Variants in HGFAC observed in about 807,000 individuals in gnomAD.
The protein encoded by HGFAC is HGF activator.
In HGFAC, 76 loss-of-function variants were observed where a neutral mutation model predicts 70.6. The ratio of observed to expected loss-of-function variants is 1.08; its 90% CI spans 0.89 to 1.30. The LOEUF (loss-of-function observed/expected upper bound fraction) is 1.30. Ranked by LOEUF, HGFAC falls within the 50% of genes most tolerant of loss-of-function variation. The probability of loss-of-function intolerance (pLI) is 0.00; values close to 1 mark genes in which losing one functional copy is unlikely to be tolerated. For synonymous variants in HGFAC, 464 were observed against 405.3 expected (o/e 1.14, Z -1.74); for missense variants, 1,044 against 933.7 (o/e 1.12, Z -1.54).
rs201370566 is a variant in HGFAC, at chr4:3,447,990, G to A, written c.1591G>A (p.Ala531Thr). ...GCCCGAGCCCGGCAGCACCTTCCCC[G>A]CAGGACACAAGTGCCAGATTGCGGG... ...CLPEPGSTFP[A>T]GHKCQIAGWG... Residue 531 changes from alanine (A) to threonine (T), a missense_variant, in exon 12 of 14, where the codon GCA becomes ACA. By Grantham distance (58) the Ala-to-Thr change is moderately conservative. Coordinates refer to ENST00000382774, the MANE Select transcript of HGFAC (RefSeq NM_001528.4). The A allele has an allele frequency of 4.6e-5, 73 of 1,578,460 alleles. No homozygotes were observed. In the East Asian group the frequency reaches 7.7e-4, roughly 17 times the overall value.
rs550385729 is a variant in HGFAC, at chr4:3,449,118, G to A, written c.1786-119G>A. On this transcript the variant is annotated intron_variant, in intron 13 of 13. Transcript: ENST00000382774. ...CCTTTTCATGAGGTTCAGGAGAGTGGATCAGCTCCCTTGCTCAGAAATGCC... is the reference window on the plus strand; with the variant it reads ...CCTTTTCATGAGGTTCAGGAGAGTGAATCAGCTCCCTTGCTCAGAAATGCC... The A allele has an allele frequency of 1.1e-4, 103 of 896,968 alleles. 4 individuals carry two copies. The South Asian group carries it at 1.2e-3, about 11-fold the overall frequency. 55.6% of individuals were successfully genotyped at this position (896,968 alleles called of 1,614,324 possible).
upstream of HGFAC, among the ~76,000 whole-genome samples, chr4:3,441,012 G>T (rs1725288916): frequency 1.3e-5 from 2 of 152,210 alleles, no homozygotes; most frequent in South Asian, 4.1e-4. This position sits in a 1 kb window ranked among gnomAD's most constrained non-coding sequence, Gnocchi z 6.0. Flanking sequence ...GGCCACAGTG[G>T]TTCACTCACC....
chr4:3,443,022 C>A, intron 2 of HGFAC, 28 bp from the exon 3 acceptor site: 1 of 1,564,982 alleles, frequency 6.4e-7, no homozygotes, highest in Admixed American at 1.7e-5. Context: ...CTCGAGGGAG[C>A]CCTGACCCTG....
Position 3,449,348 on chromosome 4 carries a change from C to A in HGFAC, c.1897C>A (p.Arg633Ser). The A allele has an allele frequency of 6.2e-7, 1 of 1,611,062 alleles. No individual in the cohort carries two copies. The highest frequency in any genetic ancestry group is 8.5e-7 in the Non-Finnish European group (1 of 1,178,882). The change falls in exon 14 of 14, where the codon CGC (arginine) becomes AGC (serine). Residue 633 changes from arginine (R) to serine (S), a missense_variant. By Grantham distance (110) the Arg-to-Ser change is moderately radical. Coordinates refer to ENST00000382774, the MANE Select transcript of HGFAC (RefSeq NM_001528.4). ...GRLHKPGVYT[R>S]VANYVDWIND... ...GCTCCACAAGCCGGGGGTCTACACC[C>A]GCGTGGCCAACTATGTGGACTGGAT...
chr4:3,441,541 C>G (rs1725311840), upstream of HGFAC, among the ~76,000 whole-genome samples: 1 of 152,150 alleles, frequency 6.6e-6, no homozygotes, highest in Non-Finnish European at 1.5e-5. The surrounding 1 kb of genome is among the most constrained non-coding windows in gnomAD (Gnocchi z 6.0). Flanking sequence ...CAATCCCATC[C>G]CCACTGCTAC....
At chr4:3,445,145 A>G (rs1335674277) in intron 8 of HGFAC, 120 bp from the exon 9 acceptor site, 1 of 1,280,588 alleles carries the variant, frequency 7.8e-7, no homozygotes, top group African/African-American at 1.5e-5. Flanking sequence ...AGGGAGGGCC[A>G]CTCTCTTCCC....
At chr4:3,445,792 G>A (rs969645350) in intron 9 of HGFAC, 2 of 1,324,642 alleles carry the variant, frequency 1.5e-6, no homozygotes, top group African/African-American at 2.9e-5. Context: ...CCGGGCTGCT[G>A]AGGGGGCCAC....
Position 3,446,147 on chromosome 4 carries a change from T to C in HGFAC, c.1208T>C (p.Phe403Ser). The change falls in exon 10 of 14, where the codon TTC becomes TCC. Residue 403 changes from phenylalanine (F) to serine (S), a missense_variant. Phe to Ser is a radical substitution (Grantham distance 155, BLOSUM62 -2). Coordinates refer to ENST00000382774, the MANE Select transcript of HGFAC (RefSeq NM_001528.4). Reference protein sequence around the residue: ...ACGRRHKKRTFLRPRIIGGSS... With the variant: ...ACGRRHKKRTSLRPRIIGGSS... ...GGCAGGAGGCACAAGAAGAGGACGTTCCTGCGGCCACGTATCATCGGCGGC... is the reference window on the plus strand; with the variant it reads ...GGCAGGAGGCACAAGAAGAGGACGTCCCTGCGGCCACGTATCATCGGCGGC... The C allele has an allele frequency of 6.2e-7, 1 of 1,611,794 alleles. No individual in the cohort carries two copies. Among genetic ancestry groups the C allele is most frequent in the South Asian group, 1.1e-5 (1 of 90,854 alleles).
At chr4:3,445,529 G>A (rs1252040774) in intron 9 of HGFAC, 179 bp downstream of exon 9, 5 of 623,334 alleles carry the variant, frequency 8.0e-6, no homozygotes, top group Non-Finnish European at 1.4e-5. Flanking sequence ...GGGTCACAGT[G>A]GGGAAGCAGC....
At chr4:3,444,527 C>T in intron 6 of HGFAC, 85 bp downstream of exon 6, 3 of 1,508,766 alleles carry the variant, frequency 2.0e-6, no homozygotes, top group East Asian at 2.4e-5. Flanking sequence ...CCTGAGGTCA[C>T]CCAGAAACAA....
rs754422574 is a variant in HGFAC, at chr4:3,446,144, C to T, written c.1205C>T (p.Thr402Met). The T allele has an allele frequency of 8.1e-6, 13 of 1,611,672 alleles. No individual in the cohort carries two copies. Among genetic ancestry groups the T allele is most frequent in the Admixed American group, 5.0e-5 (3 of 59,916 alleles). Reference sequence around the variant, plus strand: ...TGCGGCAGGAGGCACAAGAAGAGGACGTTCCTGCGGCCACGTATCATCGGC... The same window carrying T: ...TGCGGCAGGAGGCACAAGAAGAGGATGTTCCTGCGGCCACGTATCATCGGC... ...QACGRRHKKR[T>M]FLRPRIIGGS... is the part of the protein sequence containing the mutation. The change falls in exon 10 of 14, where the codon ACG (threonine) becomes ATG (methionine). Residue 402 changes from threonine to methionine, a missense_variant. Transcript: ENST00000382774.
At chr4:3,443,509 G>C in intron 4 of HGFAC, 89 bp downstream of exon 4, 2 of 813,394 alleles carry the variant, frequency 2.5e-6, no homozygotes, top group Non-Finnish European at 3.6e-6. Flanking sequence ...GACCCGGGCA[G>C]GGGTCCTGGC....
At chr4:3,441,486 C>T (rs961157968), upstream of HGFAC, among the ~76,000 whole-genome samples, 5 of 152,182 alleles carry the variant, frequency 3.3e-5, no homozygotes, top group East Asian at 1.9e-4. The surrounding 1 kb of genome is among the most constrained non-coding windows in gnomAD (Gnocchi z 6.0). Flanking sequence ...GATGCAGCAC[C>T]GAACCCTCCA....
chr4:3,442,056 T>A lies in HGFAC; in HGVS notation c.55T>A (p.Phe19Ile). ...SPWPPPGLGP[F>I]LLLLLLLLLL... ...CTGGCCCCCACCGGGGCTGGGCCCCTTCCTCCTCCTCCTCCTGCTGCTGCT... is the reference window on the plus strand; with the variant it reads ...CTGGCCCCCACCGGGGCTGGGCCCCATCCTCCTCCTCCTCCTGCTGCTGCT... The change falls in exon 1 of 14, where the codon TTC becomes ATC. Residue 19 changes from phenylalanine (F) to isoleucine (I), a missense_variant. Physicochemically the swap from Phe to Ile is conservative, Grantham distance 21 (BLOSUM62 0). Coordinates refer to ENST00000382774, the MANE Select transcript of HGFAC (RefSeq NM_001528.4). The A allele has an allele frequency of 6.5e-7, 1 of 1,544,612 alleles. No individual in the cohort carries two copies. Among genetic ancestry groups the A allele is most frequent in the Non-Finnish European group, 8.6e-7 (1 of 1,158,698 alleles).
At chr4:3,449,105 G>A (rs151322677) in intron 13 of HGFAC, 132 bp from the exon 14 acceptor site, 1 of 803,704 alleles carries the variant, frequency 1.2e-6, no homozygotes, top group East Asian at 2.6e-5. Flanking sequence ...TTTTCATGAG[G>A]TTCAGGAGAG....
At chr4:3,442,368 CT>C in intron 1 of HGFAC, among the ~76,000 whole-genome samples, 1 of 152,190 alleles carries the variant, frequency 6.6e-6, no homozygotes, top group Non-Finnish European at 1.5e-5. Flanking sequence ...GCCTGGGCCC[CT>C]ATGGGTCTGG....
In HGFAC at chr4:3,442,899, C is replaced by T. The variant is rs751068836; in HGVS notation, c.285C>T (p.Ser95=). ...CCAGGGCAGTTCCCTCGAGCAGTAG[C>T]CCCCAGGCCCAAGGTGGGTCAGGTG... ...PPPRAVPSSS[S]PQAQALTEDG... is the part of the protein sequence containing the mutation. The change falls in exon 2 of 14, where the codon AGC becomes AGT. Residue 95 remains serine, a synonymous_variant. Coordinates refer to ENST00000382774, the MANE Select transcript of HGFAC (RefSeq NM_001528.4). 1.9e-6 allele frequency: 3 copies of T among 1,560,464 alleles called. No homozygotes were observed. Among genetic ancestry groups the T allele is most frequent in the Admixed American group, 2.0e-5 (1 of 48,884 alleles).
rs1725427217 is a variant in HGFAC at position 3,444,454 on chromosome 4, G to A, written c.730+12G>A. 2.5e-6 allele frequency: 4 copies of A among 1,579,714 alleles called. No individual in the cohort carries two copies. In the South Asian group the frequency reaches 4.7e-5, roughly 19 times the overall value. On this transcript the variant is annotated intron_variant, in intron 6 of 13. Transcript: ENST00000382774. ...CACCCGACATACAGGTGCGCCACGG[G>A]GTGTGAGCCGTGCCACTGACCCCTG...
rs558335644 is a variant in HGFAC, at chr4:3,447,651, G to C, written c.1495+20G>C. The C allele has an allele frequency of 9.0e-5, 145 of 1,611,716 alleles. 2 individuals carry two copies. The South Asian group carries it at 1.5e-3, about 16-fold the overall frequency. On this transcript the variant is annotated intron_variant, in intron 11 of 13. Coordinates refer to ENST00000382774, the MANE Select transcript of HGFAC (RefSeq NM_001528.4). ...ACCTCGGTGAGCTCCGGCGTGTCGT[G>C]GCTGCACTCTGGGCAGGTGGGCCCT... is the stretch of plus-strand genomic sequence containing the variant.
Sources: gnomAD v4.1 joint callset for allele counts (sites outside exome capture counted in the v4.1 genomes callset) on GRCh38, gnomAD v4.1.1 for gene constraint, Gnocchi (gnomAD v3.1) non-coding constraint, MANE v1.5 for transcripts, NCBI Gene and HGNC (gene_info 2026-07-23, HGNC 2026-07-21) for gene names.